The following SAMD3 variants were observed in gnomAD, a reference collection of about 807,000 sequenced individuals.
SAMD3 encodes the protein sterile alpha motif domain-containing protein 3.
Under a neutral mutation model 58.5 loss-of-function variants are expected in SAMD3, and 63 were observed. The observed-to-expected ratio is 1.08, with a 90% CI of 0.88 to 1.33. The LOEUF (loss-of-function observed/expected upper bound fraction) is 1.33. Ranked by LOEUF, SAMD3 falls within the 40% of genes most tolerant of loss-of-function variation. The probability of loss-of-function intolerance (pLI) is 0.00; values close to 1 mark genes in which losing one functional copy is unlikely to be tolerated. For synonymous variants in SAMD3, 220 were observed against 210.3 expected, an observed-to-expected ratio of 1.05 and a Z score of -0.40; for missense variants, 604 against 608.4, an observed-to-expected ratio of 0.99 and a Z score of 0.08.
chr6:130,353,988 C>A (rs1319794337), intron 1 of SAMD3, among the ~76,000 whole-genome samples: 2 of 152,028 alleles, frequency 1.3e-5, no homozygotes, highest in African/African-American at 4.8e-5. Flanking sequence ...AAAAAACAAA[C>A]AACCCCATTA....
chr6:130,248,655 G>A (rs1033066832), intron 2 of SAMD3, among the ~76,000 whole-genome samples: 3 of 152,146 alleles, frequency 2.0e-5, no homozygotes, highest in Non-Finnish European at 2.9e-5. Flanking sequence ...CAAGGAAGAC[G>A]CTCCAAGCAT....
chr6:130,331,359 A>G (rs1776925991), intron 1 of SAMD3, among the ~76,000 whole-genome samples: 1 of 152,264 alleles, frequency 6.6e-6, no homozygotes, highest in Non-Finnish European at 1.5e-5. Flanking sequence ...AGAAAATTCA[A>G]GAGAACTTAC....
chr6:130,339,689 C>G lies in SAMD3; in HGVS notation c.-304+25431G>C, dbSNP rs562618260. Among the ~76,000 whole-genome samples, 6 of 152,270 alleles carry G rather than the reference C, an allele frequency of 3.9e-5. No homozygotes were observed. In the East Asian group the frequency reaches 1.2e-3, roughly 29 times the overall value. ...ATACCAGTATGAGAATGGACGAAAT[C>G]CACATTTATGCTTTTTTTCCTCTTT... On this transcript the variant is annotated intron_variant, in intron 1 of 13. Transcript: ENST00000368134.
At chr6:130,210,232 C>A (rs552276227) in intron 4 of SAMD3, among the ~76,000 whole-genome samples, 84 of 152,302 alleles carry the variant, frequency 5.5e-4, no homozygotes, top group African/African-American at 2.0e-3. Flanking sequence ...TATTTCATAT[C>A]CCCATCATTT....
At chr6:130,353,242 C>A (rs1001942370) in intron 1 of SAMD3, among the ~76,000 whole-genome samples, 2 of 152,134 alleles carry the variant, frequency 1.3e-5, no homozygotes, top group African/African-American at 4.8e-5. Context: ...GATAGCTCTG[C>A]ATTTTGGAGT....
chr6:130,304,273 G>A (rs536024271), intron 2 of SAMD3, among the ~76,000 whole-genome samples: 5 of 152,214 alleles, frequency 3.3e-5, no homozygotes, highest in South Asian at 4.1e-4. Flanking sequence ...GGGTTCAAGC[G>A]ATTCTCCTGC....
chr6:130,306,965 CAAAA>C (rs1159665053), intron 2 of SAMD3, among the ~76,000 whole-genome samples: 1 of 152,202 alleles, frequency 6.6e-6, no homozygotes, highest in African/African-American at 2.4e-5. Context: ...TAAAATGTGA[CAAAA>C]GATGCGGATG....
chr6:130,308,429 T>C (rs1328382805), intron 2 of SAMD3, among the ~76,000 whole-genome samples: 1 of 141,672 alleles, frequency 7.1e-6, no homozygotes, highest in African/African-American at 2.6e-5. Context: ...TATTCTATTC[T>C]ATTCTATTCT....
chr6:130,330,336 A>G (rs1042799118), intron 1 of SAMD3, among the ~76,000 whole-genome samples: 6 of 152,208 alleles, frequency 3.9e-5, no homozygotes, highest in African/African-American at 9.7e-5. Flanking sequence ...TAAAATGGCT[A>G]TATTTTGTGA....
intron 8 of SAMD3, among the ~76,000 whole-genome samples, chr6:130,158,963 G>C (rs1582747642): frequency 6.6e-6 from 1 of 152,332 alleles, no homozygotes; most frequent in South Asian, 2.1e-4. Flanking sequence ...ACCAGAGGCT[G>C]AAGTGAAGTA....
intron 2 of SAMD3, among the ~76,000 whole-genome samples, chr6:130,306,101 T>C (rs1475622056): frequency 1.3e-5 from 2 of 152,210 alleles, no homozygotes; most frequent in African/African-American, 2.4e-5. Flanking sequence ...CACCTTCCAA[T>C]ACTATCACAC....
intron 5 of SAMD3, among the ~76,000 whole-genome samples, chr6:130,188,291 G>A (rs1460405938): frequency 6.6e-6 from 1 of 152,198 alleles, no homozygotes; most frequent in African/African-American, 2.4e-5. Flanking sequence ...GGAACAATCT[G>A]AAAGCACAGA....
intron 2 of SAMD3, among the ~76,000 whole-genome samples, chr6:130,291,820 C>T (rs1013196441): frequency 2.0e-5 from 3 of 152,092 alleles, no homozygotes; most frequent in Non-Finnish European, 4.4e-5. Flanking sequence ...TCTCCTTCAG[C>T]GACATAAGTG....
chr6:130,270,686 A>G (rs950455459), intron 2 of SAMD3, among the ~76,000 whole-genome samples: 1 of 152,232 alleles, frequency 6.6e-6, no homozygotes, highest in Admixed American at 6.5e-5. Flanking sequence ...ATATGGTCTT[A>G]CAGATACATG....
At chr6:130,323,893 A>G (rs577750156) in intron 1 of SAMD3, among the ~76,000 whole-genome samples, 4 of 149,968 alleles carry the variant, frequency 2.7e-5, no homozygotes, top group African/African-American at 9.8e-5. Flanking sequence ...CCCTTTCATT[A>G]GTGTCTTTTA....
At chr6:130,184,226 CA>C in intron 6 of SAMD3, 39 bp from the exon 7 acceptor site, 1 of 1,510,884 alleles carries the variant, frequency 6.6e-7, no homozygotes, top group Non-Finnish European at 9.1e-7. Flanking sequence ...TCACTTCAAG[CA>C]AACCACATTC....
chr6:130,274,535 C>T (rs1774703081), intron 2 of SAMD3, among the ~76,000 whole-genome samples: 1 of 152,056 alleles, frequency 6.6e-6, no homozygotes, highest in Non-Finnish European at 1.5e-5. Context: ...AAGTGGGACA[C>T]ATGTAAATAG....
At chr6:130,231,181 A>G (rs999500260) in intron 2 of SAMD3, among the ~76,000 whole-genome samples, 1 of 152,196 alleles carries the variant, frequency 6.6e-6, no homozygotes, top group African/African-American at 2.4e-5. Context: ...ATAATAATAC[A>G]CGATTTATTT....
At chr6:130,324,347 G>GCCA (rs1222729925) in intron 1 of SAMD3, among the ~76,000 whole-genome samples, 6 of 152,176 alleles carry the variant, frequency 3.9e-5, no homozygotes, top group African/African-American at 1.4e-4. Flanking sequence ...TTTGGCAAAA[G>GCCA]CCATACATAT....
Sources: allele counts gnomAD v4.1 joint callset (sites outside exome capture counted in the v4.1 genomes callset), GRCh38; gene constraint gnomAD v4.1.1; transcripts MANE v1.5; gene names NCBI Gene and HGNC (gene_info 2026-07-23, HGNC 2026-07-21).